The following TRIM71 variants were observed in gnomAD, a reference collection of about 807,000 sequenced individuals.
The protein encoded by TRIM71 is E3 ubiquitin-protein ligase TRIM71.
A neutral mutation model predicts 61.2 loss-of-function variants in TRIM71; 9 were observed. The observed-to-expected ratio is 0.15, with a 90% CI of 0.09 to 0.26. TRIM71 has a LOEUF of 0.26. Ranked by LOEUF, TRIM71 falls within the 10% of genes least tolerant of loss-of-function variation. The pLI is 1.00. For synonymous variants in TRIM71, 645 were observed against 553.2 expected (o/e 1.17, Z -2.33); for missense variants, 998 against 1,238.7 (o/e 0.81, Z 2.92).
intron 2 of TRIM71, 48 bp from the exon 3 acceptor site, chr3:32,885,886 A>T (rs759549532): frequency 6.3e-7 from 1 of 1,590,290 alleles, no homozygotes; most frequent in Admixed American, 1.8e-5. Context: ...TGTATAAGGA[A>T]TGACAGTCCT....
chr3:32,818,743 C>T lies in TRIM71; in HGVS notation c.663C>T (p.Asp221=), dbSNP rs751157005. ...TCGACTGCCAGGAGCACCTGTGCGACAACTGCGTCCGAGCGCACCAGCGCG... is the reference window on the plus strand; with the variant it reads ...TCGACTGCCAGGAGCACCTGTGCGATAACTGCGTCCGAGCGCACCAGCGCG... ...RCLDCQEHLC[D]NCVRAHQRVR... Residue 221 remains aspartate, a synonymous_variant, in exon 1 of 4, where the codon GAC becomes GAT. Coordinates refer to ENST00000383763, the MANE Select transcript of TRIM71 (RefSeq NM_001039111.3). 2.5e-6 allele frequency: 4 copies of T among 1,602,920 alleles called. No individual in the cohort carries two copies. The highest frequency in any genetic ancestry group is 3.4e-5 in the Admixed American group (2 of 59,632).
chr3:32,845,846 G>A (rs574250011), intron 1 of TRIM71, among the ~76,000 whole-genome samples: 8 of 151,240 alleles, frequency 5.3e-5, no homozygotes, highest in African/African-American at 9.7e-5. Flanking sequence ...TCAGCCTCCC[G>A]AGTAGCTGGG....
rs191718802 is a variant in TRIM71, at chr3:32,840,853, T to C, written c.852+21921T>C. ...CTGGGGGTGCAAGGGGGCATGCTTC[T>C]GGCCCTGAGTGGTGGCCTCCCTTCT... On this transcript the variant is annotated intron_variant, in intron 1 of 3. Coordinates refer to ENST00000383763, the MANE Select transcript of TRIM71 (RefSeq NM_001039111.3). 8.5e-5 allele frequency among the ~76,000 whole-genome samples: 13 copies of C among 152,326 alleles called. No individual in the cohort carries two copies. The East Asian group carries it at 2.3e-3, about 27-fold the overall frequency.
chr3:32,848,126 T>G (rs538510059), intron 1 of TRIM71, among the ~76,000 whole-genome samples: 1 of 152,328 alleles, frequency 6.6e-6, no homozygotes, highest in Non-Finnish European at 1.5e-5. Context: ...TATACAAGCA[T>G]GGCAAAGAGC....
Position 32,891,957 on chromosome 3 carries a change from A to T in TRIM71, c.*146A>T. The T allele has an allele frequency of 8.3e-7, 1 of 1,202,478 alleles. No individual in the cohort carries two copies. The highest frequency in any genetic ancestry group is 3.2e-5 in the Admixed American group (1 of 31,548). 74.5% of individuals were successfully genotyped at this position (1,202,478 alleles called of 1,614,324 possible). Reference sequence around the variant, plus strand: ...TTTCTTTTTTTTTTTTAAAGAGAACAAGAAAAGTACAACATTGCTTAAGTC... The same window carrying T: ...TTTCTTTTTTTTTTTTAAAGAGAACTAGAAAAGTACAACATTGCTTAAGTC... On this transcript the variant is annotated 3_prime_UTR_variant, in exon 4 of 4. Coordinates refer to ENST00000383763, the MANE Select transcript of TRIM71 (RefSeq NM_001039111.3). The surrounding 1 kb of genome is among the most constrained non-coding windows in gnomAD (Gnocchi z 8.2).
chr3:32,856,313 G>A (rs533855590), intron 1 of TRIM71, among the ~76,000 whole-genome samples: 1 of 152,212 alleles, frequency 6.6e-6, no homozygotes, highest in Admixed American at 6.5e-5. Context: ...CACCGCACCT[G>A]GCCCTCTAAT....
chr3:32,867,704 G>C (rs1559546851), intron 1 of TRIM71, among the ~76,000 whole-genome samples: 1 of 151,870 alleles, frequency 6.6e-6, no homozygotes, highest in Non-Finnish European at 1.5e-5. Context: ...AACATGCATT[G>C]CCTCACATAC....
intron 1 of TRIM71, among the ~76,000 whole-genome samples, chr3:32,856,634 G>T: frequency 6.6e-6 from 1 of 152,184 alleles, no homozygotes; most frequent in East Asian, 1.9e-4. Context: ...AGGAATTTGG[G>T]ACATGTAGGG....
intron 1 of TRIM71, among the ~76,000 whole-genome samples, chr3:32,842,388 G>T (rs941392487): frequency 6.6e-6 from 1 of 152,162 alleles, no homozygotes; most frequent in Admixed American, 6.6e-5. Flanking sequence ...TTAGATTTGG[G>T]TGAGAGTTCC....
chr3:32,818,972 C>G (rs758482355), intron 1 of TRIM71, 40 bp downstream of exon 1: 2 of 1,597,144 alleles, frequency 1.3e-6, no homozygotes, highest in Non-Finnish European at 1.7e-6. Flanking sequence ...CATCGGATAA[C>G]TGCGTGTGTG....
rs900192116 is a variant in TRIM71, at chr3:32,818,811, G to C, written c.731G>C (p.Gly244Ala). 1.2e-6 allele frequency: 2 copies of C among 1,609,574 alleles called. No individual in the cohort carries two copies. The highest frequency in any genetic ancestry group is 1.7e-5 in the Admixed American group (1 of 59,778). The stretch of plus-strand genomic sequence containing the variant: ...CACTACATCGAGCGCGGCCCGCCGG[G>C]TCCCGGTGCCGCAGCAGCGGCGCAG... ...KDHYIERGPP[G>A]PGAAAAAQQL... is the part of the protein sequence containing the mutation. Residue 244 changes from glycine to alanine, a missense_variant, in exon 1 of 4, where the codon GGT (glycine) becomes GCT (alanine). Around this residue, in one of 5 missense-constraint regions of TRIM71, gnomAD observed 527 missense variants for 427.8 expected, o/e 1.23. Transcript: ENST00000383763.
intron 1 of TRIM71, among the ~76,000 whole-genome samples, chr3:32,849,325 G>C (rs1019837141): frequency 1.3e-5 from 2 of 152,108 alleles, no homozygotes; most frequent in Non-Finnish European, 2.9e-5. Flanking sequence ...AGTGTGGTTA[G>C]AGGAAGGATC....
Position 32,822,389 on chromosome 3 carries a change from G to A in TRIM71, c.852+3457G>A, listed in dbSNP as rs567583118. On this transcript the variant is annotated intron_variant, in intron 1 of 3. Transcript: ENST00000383763. ...TTTAAAATGCCTCCTGAAGAGAAAAGTTCTAGAATTCCAACTTGATTTGAC... is the reference window on the plus strand; with the variant it reads ...TTTAAAATGCCTCCTGAAGAGAAAAATTCTAGAATTCCAACTTGATTTGAC... Among the ~76,000 whole-genome samples, 314 of 152,278 alleles carry A rather than the reference G, an allele frequency of 2.1e-3. 1 individual carries two copies. The highest frequency in any genetic ancestry group is 3.4e-3 in the Middle Eastern group (1 of 294).
rs11707861 is a variant in TRIM71, at chr3:32,820,025, T to G, written c.852+1093T>G. Among the ~76,000 whole-genome samples the G allele has an allele frequency of 7.9e-3, 1,207 of 152,320 alleles. 11 individuals are homozygous for G. The highest frequency in any genetic ancestry group is 0.013 in the Non-Finnish European group (868 of 68,016). On this transcript the variant is annotated intron_variant, in intron 1 of 3. Coordinates refer to ENST00000383763, the MANE Select transcript of TRIM71 (RefSeq NM_001039111.3). ...GTGTCGTCTTCTCCCCCGAACCCAA[T>G]GAAGGCAGGCCAAAAGTCTTGAGAA...
chr3:32,890,502 C>T lies in TRIM71; in HGVS notation c.1298C>T (p.Ala433Val), dbSNP rs765645353. ...EEGRALDILL[A>V]RDRMLAQVQE... Reference sequence around the variant, plus strand: ...GGTAGAGCGCTAGACATCCTACTGGCCCGAGACCGGATGCTGGCCCAGGTG... The same window carrying T: ...GGTAGAGCGCTAGACATCCTACTGGTCCGAGACCGGATGCTGGCCCAGGTG... Residue 433 changes from alanine (A) to valine (V), a missense_variant, in exon 4 of 4, where the codon GCC becomes GTC. Ala to Val is a moderately conservative substitution (Grantham distance 64). This residue lies in a region of TRIM71 where 291 missense variants were observed against 431.2 expected (regional missense o/e 0.67). Coordinates refer to ENST00000383763, the MANE Select transcript of TRIM71 (RefSeq NM_001039111.3). The surrounding 1 kb of genome is among the most constrained non-coding windows in gnomAD (Gnocchi z 6.2). 285 of 1,614,096 alleles carry T rather than the reference C, an allele frequency of 1.8e-4. No homozygotes were observed. The highest frequency in any genetic ancestry group is 2.4e-4 in the Non-Finnish European group (278 of 1,180,056).
chr3:32,878,888 C>G (rs62251957), intron 2 of TRIM71, among the ~76,000 whole-genome samples: 15,442 of 152,250 alleles, frequency 0.1, 908 homozygotes, highest in East Asian at 0.21. Flanking sequence ...GAAAGTCCTA[C>G]ATGGCATCTT....
intron 1 of TRIM71, among the ~76,000 whole-genome samples, chr3:32,830,753 C>T (rs1236987396): frequency 6.6e-6 from 1 of 152,126 alleles, no homozygotes; most frequent in Non-Finnish European, 1.5e-5. Context: ...TTTGCAGAAA[C>T]AAAGGACACT....
At chr3:32,871,586 G>A (rs1482304781) in intron 1 of TRIM71, among the ~76,000 whole-genome samples, 2 of 152,192 alleles carry the variant, frequency 1.3e-5, no homozygotes, top group Non-Finnish European at 2.9e-5. Context: ...TTAGCACCAG[G>A]TCGTAAAAAG....
At chr3:32,837,840 T>C (rs566544039) in intron 1 of TRIM71, among the ~76,000 whole-genome samples, 1 of 152,066 alleles carries the variant, frequency 6.6e-6, no homozygotes, top group Non-Finnish European at 1.5e-5. Context: ...AGTCTTTACC[T>C]CTATGGCATT....
Sources: allele counts gnomAD v4.1 joint callset (sites outside exome capture counted in the v4.1 genomes callset), GRCh38; gene constraint gnomAD v4.1.1; regional missense constraint gnomAD v4.1.1; non-coding constraint Gnocchi (gnomAD v3.1); transcripts MANE v1.5; gene names NCBI Gene and HGNC (gene_info 2026-07-23, HGNC 2026-07-21).